Variants in RASSF3 observed in about 807,000 individuals in gnomAD.
RASSF3 encodes the protein Ras association domain family member 3.
A neutral mutation model predicts 19.9 loss-of-function variants in RASSF3; 19 were observed. That is an observed-to-expected ratio of 0.96 (90% CI 0.67 to 1.40). The LOEUF (loss-of-function observed/expected upper bound fraction) is 1.40, where lower values mean the gene tolerates loss of function less well. Ranked by LOEUF, RASSF3 falls within the 40% of genes most tolerant of loss-of-function variation. The probability of loss-of-function intolerance (pLI) is 0.00; values close to 1 mark genes in which losing one functional copy is unlikely to be tolerated. For missense variants in RASSF3, 306 were observed against 289.8 expected, an observed-to-expected ratio of 1.06 and a Z score of -0.41; for synonymous variants, 110 against 104.2, an observed-to-expected ratio of 1.06 and a Z score of -0.34.
At chr12:64,679,232 TG>T (rs1336044369) in intron 1 of RASSF3, among the ~76,000 whole-genome samples, 4 of 152,166 alleles carry the variant, frequency 2.6e-5, no homozygotes, top group Non-Finnish European at 5.9e-5. Flanking sequence ...AGCTAATTTT[TG>T]TATTTTTTGT....
chr12:64,578,567 G>T (rs1164308150), intron 2 of RASSF3, among the ~76,000 whole-genome samples: 1 of 152,344 alleles, frequency 6.6e-6, no homozygotes, highest in East Asian at 1.9e-4. Context: ...ACTGAGGTGG[G>T]AGGATTGCTT....
chr12:64,645,580 G>A (rs1871703138), intron 1 of RASSF3, among the ~76,000 whole-genome samples: 1 of 151,988 alleles, frequency 6.6e-6, no homozygotes, highest in African/African-American at 2.4e-5. Context: ...TGCTTTAGGT[G>A]TGTATTCTGT....
downstream of RASSF3, among the ~76,000 whole-genome samples, chr12:64,543,410 T>TCCCGCCCCGCTCCCCGCCCG (rs1413984803): frequency 1.4e-5 from 1 of 72,728 alleles, no homozygotes; most frequent in Non-Finnish European, 3.2e-5. Context: ...TGCCTGAGTT[T>TCCCGCCCCGCTCCCCGCCCG]CCCGCCCCCC....
At chr12:64,535,647 T>C (rs1041596702) in intron 1 of RASSF3, among the ~76,000 whole-genome samples, 1 of 151,190 alleles carries the variant, frequency 6.6e-6, no homozygotes, top group Non-Finnish European at 1.5e-5. Flanking sequence ...ATTACAGGCA[T>C]GAGGAGCCAC....
intron 2 of RASSF3, among the ~76,000 whole-genome samples, chr12:64,575,046 A>G (rs1869573599): frequency 6.6e-6 from 1 of 152,212 alleles, no homozygotes; most frequent in Admixed American, 6.6e-5. Context: ...TTGAATGGAT[A>G]CCTTAGCCAA....
chr12:64,675,049 C>CG (rs201531200), intron 1 of RASSF3, among the ~76,000 whole-genome samples: 2 of 115,594 alleles, frequency 1.7e-5, no homozygotes, highest in Non-Finnish European at 1.9e-5. Context: ...CACCTAGCCC[C>CG]CCCCCCCCCC....
At chr12:64,591,571 CT>C (rs1319157397) in intron 2 of RASSF3, among the ~76,000 whole-genome samples, 3 of 152,106 alleles carry the variant, frequency 2.0e-5, no homozygotes, top group Non-Finnish European at 2.9e-5. Flanking sequence ...TTTGTCCATT[CT>C]TTTTTTCTTC....
intron 1 of RASSF3, among the ~76,000 whole-genome samples, chr12:64,623,006 A>C (rs1870839496): frequency 6.6e-6 from 1 of 151,994 alleles, no homozygotes; most frequent in Non-Finnish European, 1.5e-5. Flanking sequence ...TTTTTAGTAG[A>C]GACGGGGTTT....
At chr12:64,682,282 G>C (rs924173072) in intron 1 of RASSF3, among the ~76,000 whole-genome samples, 1 of 152,082 alleles carries the variant, frequency 6.6e-6, no homozygotes, top group Non-Finnish European at 1.5e-5. Flanking sequence ...ACGGAGATAG[G>C]CCGGGCGCCA....
chr12:64,582,959 G>T (rs1027946019), intron 2 of RASSF3, among the ~76,000 whole-genome samples: 3 of 152,190 alleles, frequency 2.0e-5, no homozygotes, highest in Admixed American at 1.3e-4. Context: ...TCATTTTGAA[G>T]TACTTGATCA....
At chr12:64,665,834 A>G (rs1304260494) in intron 1 of RASSF3, among the ~76,000 whole-genome samples, 1 of 152,180 alleles carries the variant, frequency 6.6e-6, no homozygotes, top group Non-Finnish European at 1.5e-5. Flanking sequence ...CTCTTTCCTA[A>G]GTGCAGTTGA....
intron 1 of RASSF3, among the ~76,000 whole-genome samples, chr12:64,644,532 C>T (rs1871661469): frequency 6.6e-6 from 1 of 151,592 alleles, no homozygotes; most frequent in South Asian, 2.1e-4. Flanking sequence ...CCCATCTCCG[C>T]AAAAAAATAC....
At chr12:64,689,412 G>A (rs1873489893) in intron 3 of RASSF3, among the ~76,000 whole-genome samples, 1 of 152,076 alleles carries the variant, frequency 6.6e-6, no homozygotes, top group African/African-American at 2.4e-5. Flanking sequence ...AAACCATGGG[G>A]CTAGACCCTG....
At chr12:64,613,656 C>T (rs1870450720) in intron 1 of RASSF3, among the ~76,000 whole-genome samples, 1 of 152,062 alleles carries the variant, frequency 6.6e-6, no homozygotes. Flanking sequence ...GGTTAAAAAA[C>T]CTGTCTAGGC....
upstream of RASSF3, among the ~76,000 whole-genome samples, chr12:64,532,306 T>C (rs1320993735): frequency 2.0e-5 from 3 of 152,152 alleles, no homozygotes; most frequent in African/African-American, 7.2e-5. Flanking sequence ...AGTGGGCCTT[T>C]CCCTCCAAAC....
intron 1 of RASSF3, among the ~76,000 whole-genome samples, chr12:64,634,701 C>G (rs564803995): frequency 7.2e-5 from 10 of 139,228 alleles, no homozygotes; most frequent in African/African-American, 1.9e-4. Flanking sequence ...GCAAAGTTTA[C>G]AGTGAGCCGA....
chr12:64,675,747 CTGT>C (rs1189602710), intron 1 of RASSF3, among the ~76,000 whole-genome samples: 2 of 152,128 alleles, frequency 1.3e-5, no homozygotes, highest in South Asian at 2.1e-4. Context: ...TGGGGAGAGG[CTGT>C]TAAGTCCCTC....
At chr12:64,675,666 T>A (rs531537837) in intron 1 of RASSF3, among the ~76,000 whole-genome samples, 3 of 152,250 alleles carry the variant, frequency 2.0e-5, no homozygotes, top group African/African-American at 7.2e-5. Flanking sequence ...AGTTGCCCTC[T>A]GTTTTTCCAC....
chr12:64,618,138 A>G (rs1388134164), intron 1 of RASSF3, among the ~76,000 whole-genome samples: 7 of 151,794 alleles, frequency 4.6e-5, no homozygotes, highest in African/African-American at 1.7e-4. Flanking sequence ...GGATCTTGCT[A>G]TGTTGCCCAA....
Sources: gnomAD v4.1 joint callset for allele counts (sites outside exome capture counted in the v4.1 genomes callset) on GRCh38, gnomAD v4.1.1 for gene constraint, MANE v1.5 for transcripts, NCBI Gene and HGNC (gene_info 2026-07-23, HGNC 2026-07-21) for gene names.